Variants in ATF7IP2 observed in about 807,000 individuals in gnomAD.
ATF7IP2 encodes the protein activating transcription factor 7-interacting protein 2.
ATF7IP2 carries 42 observed loss-of-function variants against 64.2 expected under a neutral mutation model. That is an observed-to-expected ratio of 0.65 (90% CI 0.51 to 0.85). The LOEUF is 0.85. ATF7IP2 is among the 40% of genes least tolerant of loss of function. The probability of loss-of-function intolerance (pLI) is 0.00; values close to 1 mark genes in which losing one functional copy is unlikely to be tolerated. For synonymous variants in ATF7IP2, 308 were observed against 272.8 expected (o/e 1.13, Z -1.27); for missense variants, 933 against 784.2 (o/e 1.19, Z -2.27).
intron 8 of ATF7IP2, among the ~76,000 whole-genome samples, chr16:10,450,569 C>T (rs2048952094): frequency 6.6e-6 from 1 of 152,062 alleles, no homozygotes; most frequent in Non-Finnish European, 1.5e-5. Context: ...TTAGGTAATG[C>T]CTTTCTTTGT....
intron 9 of ATF7IP2, among the ~76,000 whole-genome samples, chr16:10,469,075 A>G (rs1240216046): frequency 6.6e-6 from 1 of 152,176 alleles, no homozygotes; most frequent in East Asian, 1.9e-4. Flanking sequence ...CCATTACCCA[A>G]CAGCATAAAT....
At chr16:10,477,237 A>C (rs1451353056) in intron 12 of ATF7IP2, among the ~76,000 whole-genome samples, 2 of 152,192 alleles carry the variant, frequency 1.3e-5, no homozygotes, top group Non-Finnish European at 2.9e-5. Context: ...AACTTAAGCA[A>C]ATTTACAAGA....
In ATF7IP2 at chr16:10,401,646, T is replaced by G. The variant is rs193270421; in HGVS notation, c.-241-12928T>G. Among the ~76,000 whole-genome samples, 610 of 152,264 alleles carry G rather than the reference T, an allele frequency of 4.0e-3. 1 individual carries two copies. Among genetic ancestry groups the G allele is most frequent in the Admixed American group, 7.6e-3 (116 of 15,296 alleles). On this transcript the variant is annotated intron_variant, in intron 1 of 13. Coordinates refer to ENST00000562102, the MANE Select transcript of ATF7IP2 (RefSeq NM_001393719.1). ...GTGTTAGGAAGAATTCCCTCCTTTT[T>G]TTTCCCTCTTTTTTTTGAATAGTTT...
chr16:10,407,778 A>G lies in ATF7IP2; in HGVS notation c.-241-6796A>G, dbSNP rs561386664. ...CACTGAACCCAATTTGTGGTCTTTT[A>G]TCCCTCATCACCCTTTCCCCTGAGT... On this transcript the variant is annotated intron_variant, in intron 1 of 13. Transcript: ENST00000562102. Among the ~76,000 whole-genome samples, 57 of 152,232 alleles carry G rather than the reference A, an allele frequency of 3.7e-4. 1 individual carries two copies. The highest frequency in any genetic ancestry group is 1.2e-3 in the African/African-American group (48 of 41,552).
rs755602627 is a variant in ATF7IP2 at position 10,431,440 on chromosome 16, G to C, written c.820G>C (p.Asp274His). Residue 274 changes from aspartate to histidine, a missense_variant, in exon 5 of 14, where the codon GAC (aspartate) becomes CAC (histidine). Physicochemically the swap from Asp to His is moderately conservative, Grantham distance 81 (BLOSUM62 -1). Coordinates refer to ENST00000562102, the MANE Select transcript of ATF7IP2 (RefSeq NM_001393719.1). Reference protein sequence around the residue: ...SADSTWQSSLDTNNNSHYQKK... With the variant: ...SADSTWQSSLHTNNNSHYQKK... ...AGACTCAACATGGCAGTCATCACTTGACACTAATAACAACAGTAAGTATAT... is the reference window on the plus strand; with the variant it reads ...AGACTCAACATGGCAGTCATCACTTCACACTAATAACAACAGTAAGTATAT... 1 of 1,596,420 alleles carries C rather than the reference G, an allele frequency of 6.3e-7. No individual in the cohort carries two copies. Among genetic ancestry groups the C allele is most frequent in the Middle Eastern group, 1.7e-4 (1 of 5,974 alleles).
intron 4 of ATF7IP2, among the ~76,000 whole-genome samples, chr16:10,429,738 T>C (rs1346076078): frequency 6.9e-6 from 1 of 145,194 alleles, no homozygotes; most frequent in Non-Finnish European, 1.5e-5. Context: ...TTATTTATTT[T>C]ATTTTATTTA....
intron 12 of ATF7IP2, among the ~76,000 whole-genome samples, chr16:10,480,210 C>T (rs777860516): frequency 6.6e-6 from 1 of 151,916 alleles, no homozygotes; most frequent in Non-Finnish European, 1.5e-5. Flanking sequence ...TGATCTGGAA[C>T]TCCTGACCTC....
intron 8 of ATF7IP2, among the ~76,000 whole-genome samples, chr16:10,441,236 A>C (rs1036633805): frequency 6.6e-5 from 10 of 152,162 alleles, no homozygotes; most frequent in African/African-American, 2.4e-4. Flanking sequence ...TTTATAGCAG[A>C]ATGATGTATA....
Position 10,425,811 on chromosome 16 carries a change from T to A in ATF7IP2, c.-159-3057T>A, listed in dbSNP as rs569805540. On this transcript the variant is annotated intron_variant, in intron 3 of 13. Transcript: ENST00000562102. Reference sequence around the variant, plus strand: ...GTGAGGCTGAGGCAGGAGAATCACTTGAACCTGGGAGGCAGAGGTTGCGAT... The same window carrying A: ...GTGAGGCTGAGGCAGGAGAATCACTAGAACCTGGGAGGCAGAGGTTGCGAT... 5.3e-5 allele frequency among the ~76,000 whole-genome samples: 8 copies of A among 151,964 alleles called. No individual in the cohort carries two copies. In the South Asian group the frequency reaches 1.7e-3, roughly 32 times the overall value.
chr16:10,480,650 C>T (rs2050187116), intron 12 of ATF7IP2, among the ~76,000 whole-genome samples: 1 of 150,460 alleles, frequency 6.6e-6, no homozygotes, highest in Non-Finnish European at 1.5e-5. Context: ...TTGCCAGTTA[C>T]ACAATGTCTA....
rs541842868 is a variant in ATF7IP2, at chr16:10,398,363, T to A, written c.-242+12241T>A. Among the ~76,000 whole-genome samples the A allele has an allele frequency of 1.7e-3, 256 of 152,118 alleles. 2 individuals are homozygous for A. Among genetic ancestry groups the A allele is most frequent in the Admixed American group, 3.3e-3 (50 of 15,268 alleles). ...GGCAAAGATGTAGAGAAAAGGGAAC[T>A]CTTGCACACAGTTCATGGAAACATG... On this transcript the variant is annotated intron_variant, in intron 1 of 13. Transcript: ENST00000562102.
rs1205001378 is a variant in ATF7IP2 at position 10,386,076 on chromosome 16, T to A, written c.-288T>A. 1.3e-5 allele frequency: 2 copies of A among 152,702 alleles called. No individual in the cohort carries two copies. Among genetic ancestry groups the A allele is most frequent in the Non-Finnish European group, 2.9e-5 (2 of 68,400 alleles). 9.5% of individuals were successfully genotyped at this position (152,702 alleles called of 1,614,324 possible). A position where few individuals can be genotyped will look rare whatever the true frequency, so the allele number is the denominator to read the frequency against. ...GACCAGCATTGTTAACGGCTGCGGT[T>A]CGAAGTGGCTGTGGGTATTGCTGCG... On this transcript the variant is annotated 5_prime_UTR_variant, in exon 1 of 14. Coordinates refer to ENST00000562102, the MANE Select transcript of ATF7IP2 (RefSeq NM_001393719.1).
intron 3 of ATF7IP2, among the ~76,000 whole-genome samples, chr16:10,423,919 C>T (rs1485702704): frequency 6.6e-6 from 1 of 152,170 alleles, no homozygotes; most frequent in Non-Finnish European, 1.5e-5. Flanking sequence ...AGTCATTGTT[C>T]CGGCACACGC....
At chr16:10,445,958 T>A (rs1420468488) in intron 8 of ATF7IP2, 4 of 152,232 alleles carry the variant, frequency 2.6e-5, no homozygotes, top group Non-Finnish European at 4.4e-5. Flanking sequence ...TCCTTCTTGG[T>A]TCTGCAAGTG....
Position 10,440,474 on chromosome 16 carries a change from C to T in ATF7IP2, c.1194+12C>T, listed in dbSNP as rs779317955. On this transcript the variant is annotated intron_variant, in intron 8 of 13. Coordinates refer to ENST00000562102, the MANE Select transcript of ATF7IP2 (RefSeq NM_001393719.1). ...ATGGAGCCTCTAAGGTTTGTATAAA[C>T]ACACAGGAATTGTAATCATCTATTT... is the stretch of plus-strand genomic sequence containing the variant. 14 of 1,367,894 alleles carry T rather than the reference C, an allele frequency of 1.0e-5. No homozygotes were observed. In the South Asian group the frequency reaches 1.9e-4, roughly 18 times the overall value. The allele number at this position is 1,367,894 out of a possible 1,614,324, so 84.7% of individuals were successfully genotyped here.
chr16:10,458,773 C>T lies in ATF7IP2; in HGVS notation c.1352+1244C>T, dbSNP rs149777849. ...TAAATTTTACAGAAATGGAAAATTA[C>T]AGCCTGCTTTAAACCACAAAATAGA... On this transcript the variant is annotated intron_variant, in intron 9 of 13. Transcript: ENST00000562102. Among the ~76,000 whole-genome samples the T allele has an allele frequency of 6.3e-3, 962 of 152,312 alleles. 7 individuals are homozygous for T. Among genetic ancestry groups the T allele is most frequent in the South Asian group, 0.016 (75 of 4,828 alleles).
At chr16:10,404,162 A>G (rs113296255) in intron 1 of ATF7IP2, among the ~76,000 whole-genome samples, 1 of 152,246 alleles carries the variant, frequency 6.6e-6, no homozygotes, top group East Asian at 1.9e-4. Flanking sequence ...GTCAAGGTGA[A>G]GGAAAGAATT....
At chr16:10,480,215 G>T (rs886741410) in intron 12 of ATF7IP2, among the ~76,000 whole-genome samples, 1 of 151,810 alleles carries the variant, frequency 6.6e-6, no homozygotes, top group Non-Finnish European at 1.5e-5. Context: ...TGGAACTCCT[G>T]ACCTCAAGTC....
intron 8 of ATF7IP2, among the ~76,000 whole-genome samples, chr16:10,455,478 T>C (rs1269420866): frequency 6.6e-6 from 1 of 152,194 alleles, no homozygotes; most frequent in Admixed American, 6.5e-5. Flanking sequence ...TGTGATAAAA[T>C]AAGTCATGCA....
Sources: gnomAD v4.1 joint callset for allele counts (sites outside exome capture counted in the v4.1 genomes callset) on GRCh38, gnomAD v4.1.1 for gene constraint, MANE v1.5 for transcripts, NCBI Gene and HGNC (gene_info 2026-07-23, HGNC 2026-07-21) for gene names.